CLPSL1: variants seen among roughly 807,000 people sequenced by gnomAD.
The protein encoded by CLPSL1 is colipase like 1.
CLPSL1 carries 13 observed loss-of-function variants against 9.3 expected under a neutral mutation model. The ratio of observed to expected loss-of-function variants is 1.40; its 90% CI spans 0.91 to 2.22. CLPSL1 has a LOEUF of 2.22. Ranked by LOEUF, CLPSL1 falls within the 30% of genes most tolerant of loss-of-function variation. The pLI, the probability that CLPSL1 is intolerant of heterozygous loss-of-function variation, is 0.00. For missense variants in CLPSL1, 164 were observed against 146.6 expected (o/e 1.12, Z -0.61); for synonymous variants, 58 against 56.9 (o/e 1.02, Z -0.08).
At chr6:35,784,866 C>T (rs1252392174) in intron 1 of CLPSL1, among the ~76,000 whole-genome samples, 2 of 152,138 alleles carry the variant, frequency 1.3e-5, no homozygotes, top group East Asian at 3.9e-4. Context: ...AGGCAGGTTT[C>T]AGAGCAGGAG....
rs758118888 is a variant in CLPSL1 at position 35,787,978 on chromosome 6, A to G, written c.334A>G (p.Arg112Gly). The G allele has an allele frequency of 6.2e-6, 10 of 1,613,756 alleles. No individual in the cohort carries two copies. In the South Asian group the frequency reaches 1.1e-4, roughly 18 times the overall value. Residue 112 changes from arginine to glycine, a missense_variant, in exon 3 of 3, where the codon AGG becomes GGG. Arg to Gly is a moderately radical substitution (Grantham distance 125). Transcript: ENST00000373861. ...CTATGGCCGTTGTCAGAAAATTGGA[A>G]GGCAGAAGTTGGCTAAGAAAATGTT... is the stretch of plus-strand genomic sequence containing the variant. ...IAYGRCQKIG[R>G]QKLAKKMFF
downstream of CLPSL1, among the ~76,000 whole-genome samples, chr6:35,788,690 AGAAG>A (rs1198426713): frequency 1.1e-3 from 171 of 152,298 alleles, no homozygotes; most frequent in African/African-American, 3.8e-3. Context: ...GGACAAGAAA[AGAAG>A]GAAGGAAGGA....
chr6:35,786,630 G>A (rs933434425), intron 1 of CLPSL1, among the ~76,000 whole-genome samples: 1 of 151,976 alleles, frequency 6.6e-6, no homozygotes, highest in Non-Finnish European at 1.5e-5. Flanking sequence ...CGGTGGGAAT[G>A]CATGTAGGTG....
chr6:35,786,981 CG>C lies in CLPSL1; in HGVS notation c.100-16del, dbSNP rs1768088112. 2 of 1,565,246 alleles carry C rather than the reference CG, an allele frequency of 1.3e-6. No individual in the cohort carries two copies. The highest frequency in any genetic ancestry group is 4.7e-5 in the East Asian group (2 of 42,594). On this transcript the variant is annotated splice_polypyrimidine_tract_variant and intron_variant, in intron 1 of 2. Coordinates refer to ENST00000373861, the MANE Select transcript of CLPSL1 (RefSeq NM_001010886.5). ...GGCGGGCGGTGGAGCCTGGCGGTGC[CG>C]TGTCCCTCCCTGCAGGAGCTCAAGG...
intron 1 of CLPSL1, among the ~76,000 whole-genome samples, chr6:35,781,729 T>G (rs1239318313): frequency 2.0e-5 from 1 of 50,874 alleles, no homozygotes; most frequent in African/African-American, 1.9e-4. Flanking sequence ...TTTGCAGGTG[T>G]TTTTTTTTTT....
chr6:35,787,790 G>C (rs1684523812), intron 2 of CLPSL1, 77 bp from the exon 3 acceptor site: 1 of 1,416,630 alleles, frequency 7.1e-7, no homozygotes, highest in South Asian at 1.2e-5. Flanking sequence ...ATGGGCCCTG[G>C]AGCTGGGCTG....
chr6:35,793,606 A>G (rs1561944431), exon 2 of CLPSL1: 1 of 469,630 alleles, frequency 2.1e-6, no homozygotes. Context: ...CACCAAAAGA[A>G]TGCCAGCACT....
downstream of CLPSL1, among the ~76,000 whole-genome samples, chr6:35,791,803 C>T (rs1768216071): frequency 6.6e-6 from 1 of 152,070 alleles, no homozygotes; most frequent in African/African-American, 2.4e-5. Context: ...CATGGAGGCT[C>T]ACACCTATAA....
rs866924426 is a variant in CLPSL1 at position 35,785,455 on chromosome 6, G to A, written c.100-1543G>A. On this transcript the variant is annotated intron_variant, in intron 1 of 2. Coordinates refer to ENST00000373861, the MANE Select transcript of CLPSL1 (RefSeq NM_001010886.5). ...GCCTCCCAAAGTGCTGGGATTACAG[G>A]CGTGAGCCACCATGCCTGGCCCTGT... Among the ~76,000 whole-genome samples the A allele has an allele frequency of 3.9e-5, 6 of 152,114 alleles. No individual in the cohort carries two copies. In the Middle Eastern group the frequency reaches 0.01, roughly 259 times the overall value.
At chr6:35,787,225 C>A in intron 2 of CLPSL1, 105 bp downstream of exon 2, 1 of 1,348,178 alleles carries the variant, frequency 7.4e-7, no homozygotes, top group East Asian at 2.4e-5. Context: ...GGCGGAAATG[C>A]CCTGGAGCCT....
downstream of CLPSL1, among the ~76,000 whole-genome samples, chr6:35,789,659 C>T (rs1768150606): frequency 6.6e-6 from 1 of 152,236 alleles, no homozygotes. Flanking sequence ...TGTGGGAGGC[C>T]GAGTTGGGTG....
At chr6:35,785,672 A>G (rs913908164) in intron 1 of CLPSL1, among the ~76,000 whole-genome samples, 1 of 152,092 alleles carries the variant, frequency 6.6e-6, no homozygotes. Context: ...CCAAATTATC[A>G]TTTTTAGAGA....
chr6:35,785,386 C>A (rs552697171), intron 1 of CLPSL1, among the ~76,000 whole-genome samples: 21 of 152,120 alleles, frequency 1.4e-4, no homozygotes, highest in East Asian at 7.8e-4. Flanking sequence ...ACCGTGTTAG[C>A]CAGGATGGTC....
At chr6:35,788,839 G>A (rs1261498712), downstream of CLPSL1, among the ~76,000 whole-genome samples, 3 of 152,270 alleles carry the variant, frequency 2.0e-5, no homozygotes, top group Admixed American at 1.3e-4. Flanking sequence ...TTAGATGCTA[G>A]CTCGCTTGTC....
downstream of CLPSL1, among the ~76,000 whole-genome samples, chr6:35,789,354 T>C (rs1320780875): frequency 3.3e-5 from 5 of 152,350 alleles, no homozygotes; most frequent in African/African-American, 1.2e-4. Context: ...AGGATAGTCT[T>C]TTCAATAAAT....
intron 1 of CLPSL1, among the ~76,000 whole-genome samples, chr6:35,785,126 G>T (rs1259216342): frequency 6.6e-6 from 1 of 151,160 alleles, no homozygotes; most frequent in African/African-American, 2.4e-5. Context: ...TTGTACGCAT[G>T]CCCATCTGAG....
chr6:35,787,729 A>G, intron 2 of CLPSL1, 138 bp from the exon 3 acceptor site: 2 of 820,186 alleles, frequency 2.4e-6, no homozygotes, highest in South Asian at 1.6e-5. Context: ...TGCCACTCTG[A>G]GCAGCTGGCA....
intron 1 of CLPSL1, among the ~76,000 whole-genome samples, chr6:35,782,773 G>T (rs1357710067): frequency 1.3e-5 from 2 of 152,052 alleles, no homozygotes; most frequent in Non-Finnish European, 2.9e-5. Flanking sequence ...ACTTGAGGAG[G>T]TTGGGGAGGT....
chr6:35,786,929 G>A (rs1450079516), intron 1 of CLPSL1, 69 bp from the exon 2 acceptor site: 1 of 1,526,656 alleles, frequency 6.6e-7, no homozygotes, highest in Non-Finnish European at 8.8e-7. Context: ...TAGGGAGAAA[G>A]CCCCAGGCGG....
Sources: allele counts gnomAD v4.1 joint callset (sites outside exome capture counted in the v4.1 genomes callset), GRCh38; gene constraint gnomAD v4.1.1; transcripts MANE v1.5; gene names NCBI Gene and HGNC (gene_info 2026-07-23, HGNC 2026-07-21).